Variants in DIS3L2 observed in about 807,000 individuals in gnomAD.
DIS3L2 encodes DIS3-like exonuclease 2.
In DIS3L2, 34 loss-of-function variants were observed where a neutral mutation model predicts 97.5. That is an observed-to-expected ratio of 0.35 (90% CI 0.27 to 0.46). The LOEUF (loss-of-function observed/expected upper bound fraction) is 0.46. DIS3L2 is among the 20% of genes least tolerant of loss of function. The pLI, the probability that DIS3L2 is intolerant of heterozygous loss-of-function variation, is 1.00. For synonymous variants in DIS3L2, 435 were observed against 445.2 expected, an observed-to-expected ratio of 0.98 and a Z score of 0.29; for missense variants, 1,038 against 1,146.0, an observed-to-expected ratio of 0.91 and a Z score of 1.36.
intron 6 of DIS3L2, among the ~76,000 whole-genome samples, chr2:232,128,451 A>ATT (rs10682281): frequency 0.031 from 2,247 of 71,728 alleles, 327 homozygotes; most frequent in African/African-American, 0.059. Context: ...AACTTTGCTA[A>ATT]TTTTTTTTTT....
chr2:232,174,511 G>C (rs1691090216), intron 9 of DIS3L2, among the ~76,000 whole-genome samples: 2 of 149,572 alleles, frequency 1.3e-5, no homozygotes, highest in South Asian at 4.2e-4. Context: ...GCTTGAACCT[G>C]GGAGGTGGAG....
chr2:232,174,443 A>G (rs1691087209), intron 9 of DIS3L2, among the ~76,000 whole-genome samples: 1 of 151,842 alleles, frequency 6.6e-6, no homozygotes, highest in South Asian at 2.1e-4. Context: ...AAAATTAGCC[A>G]GGCTTGGTGG....
At chr2:232,272,256 G>A (rs114693173) in intron 13 of DIS3L2, among the ~76,000 whole-genome samples, 4,793 of 152,322 alleles carry the variant, frequency 0.031, 249 homozygotes, top group African/African-American at 0.11. Context: ...TGCTTCCTGT[G>A]TGTTACAAAT....
chr2:232,261,528 G>A (rs532864668), intron 12 of DIS3L2, among the ~76,000 whole-genome samples: 23 of 152,268 alleles, frequency 1.5e-4, no homozygotes, highest in African/African-American at 4.8e-4. Context: ...GAGTAGCACC[G>A]GGGACGTGTG....
intron 14 of DIS3L2, among the ~76,000 whole-genome samples, chr2:232,320,065 C>T (rs2945423): frequency 8.6e-5 from 13 of 152,022 alleles, no homozygotes; most frequent in African/African-American, 2.4e-4. Flanking sequence ...TGGTTTTCCC[C>T]GCCCTCCACC....
At chr2:232,144,834 C>T (rs1007156902) in intron 8 of DIS3L2, among the ~76,000 whole-genome samples, 3 of 152,102 alleles carry the variant, frequency 2.0e-5, no homozygotes, top group African/African-American at 4.8e-5. Context: ...TTTTGTAAAA[C>T]GTTTCTCAGT....
intron 6 of DIS3L2, among the ~76,000 whole-genome samples, chr2:232,091,212 AATGTT>A (rs1043219310): frequency 1.3e-5 from 2 of 152,220 alleles, no homozygotes; most frequent in African/African-American, 4.8e-5. Flanking sequence ...TGGCTTTAAA[AATGTT>A]CAGCTGTTGT....
intron 7 of DIS3L2, among the ~76,000 whole-genome samples, chr2:232,135,934 T>C (rs1464960512): frequency 6.6e-6 from 1 of 152,126 alleles, no homozygotes; most frequent in East Asian, 1.9e-4. Context: ...GGAAATCACA[T>C]GTGTATGTGG....
Position 232,249,284 on chromosome 2 carries a change from C to T in DIS3L2, c.1363C>T (p.Leu455Phe). 6.2e-7 allele frequency: 1 copy of T among 1,614,196 alleles called. No individual in the cohort carries two copies. Among genetic ancestry groups the T allele is most frequent in the Non-Finnish European group, 8.5e-7 (1 of 1,180,038 alleles). ...PRLLCEELCS[L>F]NPMSDKLTFS... ...GCTGCTGTGTGAGGAGCTGTGCAGC[C>T]TCAACCCCATGTCCGACAAGCTGAC... The change falls in exon 12 of 21, where the codon CTC becomes TTC. Residue 455 changes from leucine (L) to phenylalanine (F), a missense_variant. Transcript: ENST00000325385.
intron 10 of DIS3L2, among the ~76,000 whole-genome samples, chr2:232,211,318 G>T (rs1391306847): frequency 6.6e-6 from 1 of 152,024 alleles, no homozygotes; most frequent in Admixed American, 6.5e-5. Context: ...CTAATATTTT[G>T]TATTTGTGGT....
intron 5 of DIS3L2, among the ~76,000 whole-genome samples, chr2:232,078,019 TTTTC>T (rs1317491351): frequency 1.1e-5 from 1 of 94,782 alleles, no homozygotes; most frequent in African/African-American, 4.3e-5. Context: ...CTTTCTTTCT[TTTTC>T]TCTTTCTCTT....
At chr2:232,084,902 T>C (rs1031089880) in intron 5 of DIS3L2, among the ~76,000 whole-genome samples, 4 of 114,176 alleles carry the variant, frequency 3.5e-5, no homozygotes, top group Non-Finnish European at 7.4e-5. Context: ...CTGATCGTTC[T>C]TTGTAATATT....
intron 14 of DIS3L2, among the ~76,000 whole-genome samples, chr2:232,305,539 C>T (rs1471818250): frequency 2.6e-5 from 4 of 152,136 alleles, no homozygotes; most frequent in Non-Finnish European, 5.9e-5. Context: ...ATTTTACAGC[C>T]TCTTTCCAGT....
intron 14 of DIS3L2, among the ~76,000 whole-genome samples, chr2:232,313,288 C>CT (rs1379123982): frequency 2.6e-4 from 40 of 151,956 alleles, no homozygotes; most frequent in Admixed American, 2.6e-3. Flanking sequence ...AATTTGGGAA[C>CT]TTTTTTTTAA....
downstream of DIS3L2, chr2:232,340,835 C>T: frequency 2.1e-6 from 1 of 471,534 alleles, no homozygotes; most frequent in South Asian, 1.5e-5. Flanking sequence ...TCCAGTCACA[C>T]TGCTCATGCC....
chr2:232,000,863 G>A (rs527264998), intron 1 of DIS3L2, among the ~76,000 whole-genome samples: 24 of 150,132 alleles, frequency 1.6e-4, no homozygotes, highest in Non-Finnish European at 3.3e-4. Flanking sequence ...CACTGTACCC[G>A]GCTTCCTTTT....
chr2:232,024,378 T>C, intron 4 of DIS3L2, 48 bp downstream of exon 4: 1 of 1,420,172 alleles, frequency 7.0e-7, no homozygotes, highest in Non-Finnish European at 9.8e-7. Flanking sequence ...TTTAATTTTT[T>C]AGATCTGCTC....
chr2:232,016,921 T>TCTCCCTCCCTCC (rs1159539698), intron 3 of DIS3L2, among the ~76,000 whole-genome samples: 2 of 88,624 alleles, frequency 2.3e-5, no homozygotes, highest in Non-Finnish European at 4.3e-5. Context: ...TCCCTCCCTC[T>TCTCCCTCCCTCC]CTCCCTCCCT....
intron 10 of DIS3L2, among the ~76,000 whole-genome samples, chr2:232,214,536 C>G (rs1266482348): frequency 2.0e-5 from 3 of 152,092 alleles, no homozygotes; most frequent in Non-Finnish European, 4.4e-5. Context: ...AACTTAGCAT[C>G]CTAAATATTC....
Sources: gnomAD v4.1 joint callset for allele counts (sites outside exome capture counted in the v4.1 genomes callset) on GRCh38, gnomAD v4.1.1 for gene constraint, MANE v1.5 for transcripts, NCBI Gene and HGNC (gene_info 2026-07-23, HGNC 2026-07-21) for gene names.